The following ATP8A2 variants were observed in gnomAD, a reference collection of about 807,000 sequenced individuals.
The protein encoded by ATP8A2 is ATPase phospholipid transporting 8A2.
ATP8A2 carries 100 observed loss-of-function variants against 165.6 expected under a neutral mutation model. The observed-to-expected ratio is 0.60, with a 90% CI of 0.51 to 0.71. The LOEUF is 0.71. Among genes scored for constraint, ATP8A2 ranks in the 30% least tolerant of loss-of-function variants. The probability of loss-of-function intolerance (pLI) is 0.00; values close to 1 mark genes in which losing one functional copy is unlikely to be tolerated. For missense variants in ATP8A2, 1,227 were observed against 1,479.5 expected (o/e 0.83, Z 2.80); for synonymous variants, 543 against 548.8 (o/e 0.99, Z 0.15).
chr13:25,556,451 T>A (rs1344509692), intron 13 of ATP8A2, among the ~76,000 whole-genome samples: 2 of 152,202 alleles, frequency 1.3e-5, no homozygotes, highest in Non-Finnish European at 2.9e-5. Flanking sequence ...CTCATTTTTT[T>A]AATGGGGTTG....
At chr13:25,463,846 C>T (rs1029023743) in intron 1 of ATP8A2, among the ~76,000 whole-genome samples, 2 of 152,172 alleles carry the variant, frequency 1.3e-5, no homozygotes, top group African/African-American at 4.8e-5. Flanking sequence ...CCTTCCACCC[C>T]CTCATGCTTC....
At chr13:25,869,687 T>C (rs543587472) in intron 33 of ATP8A2, among the ~76,000 whole-genome samples, 2 of 152,186 alleles carry the variant, frequency 1.3e-5, no homozygotes, top group Non-Finnish European at 2.9e-5. Flanking sequence ...TGAGAAAAGT[T>C]CTCTTGTCCC....
At chr13:25,859,963 TTTGG>T (rs142429618) in intron 30 of ATP8A2, among the ~76,000 whole-genome samples, 1 of 151,824 alleles carries the variant, frequency 6.6e-6, no homozygotes. Flanking sequence ...AGATCAAGCG[TTTGG>T]TTGGTTGGTT....
In ATP8A2 at chr13:25,750,054, G is replaced by A. The variant is rs929725374; in HGVS notation, c.2385-18992G>A. Among the ~76,000 whole-genome samples, 3 of 152,160 alleles carry A rather than the reference G, an allele frequency of 2.0e-5. No individual in the cohort carries two copies. The highest frequency in any genetic ancestry group is 2.9e-5 in the Non-Finnish European group (2 of 68,030). ...GAAGAAGAATTATTTGCATGTATGT[G>A]AGCTCCTGTTTGTATACGAAACAAC... On this transcript the variant is annotated intron_variant, in intron 25 of 36. Coordinates refer to ENST00000381655, the MANE Select transcript of ATP8A2 (RefSeq NM_016529.6). The surrounding 1 kb of genome is among the most constrained non-coding windows in gnomAD (Gnocchi z 4.3).
At chr13:25,473,124 G>T (rs1057273212) in intron 2 of ATP8A2, among the ~76,000 whole-genome samples, 1 of 152,176 alleles carries the variant, frequency 6.6e-6, no homozygotes, top group Non-Finnish European at 1.5e-5. Flanking sequence ...ACCCCCAGGG[G>T]TATGCACTAC....
At chr13:25,702,942 G>C (rs1362311113) in intron 25 of ATP8A2, among the ~76,000 whole-genome samples, 1 of 152,022 alleles carries the variant, frequency 6.6e-6, no homozygotes, top group East Asian at 1.9e-4. Context: ...TTTACCTCTG[G>C]TCCTATCGTA....
chr13:25,706,370 T>TA (rs1327246860), intron 25 of ATP8A2, among the ~76,000 whole-genome samples: 2 of 152,192 alleles, frequency 1.3e-5, no homozygotes, highest in African/African-American at 2.4e-5. Context: ...TAGCCTGCAT[T>TA]AAAAAACCTG....
chr13:25,414,537 A>G (rs550363732), intron 1 of ATP8A2, among the ~76,000 whole-genome samples: 1 of 152,112 alleles, frequency 6.6e-6, no homozygotes, highest in African/African-American at 2.4e-5. Context: ...TAAACTATAT[A>G]AGTAAATGTA....
At chr13:25,454,020 A>G (rs2035296419) in intron 1 of ATP8A2, among the ~76,000 whole-genome samples, 1 of 152,188 alleles carries the variant, frequency 6.6e-6, no homozygotes, top group Admixed American at 6.5e-5. Flanking sequence ...GCAGCAAAGA[A>G]ATAGATGAGC....
chr13:25,523,049 C>A (rs2037720320), intron 2 of ATP8A2, among the ~76,000 whole-genome samples: 2 of 150,956 alleles, frequency 1.3e-5, no homozygotes, highest in South Asian at 4.2e-4. Flanking sequence ...ACCCAGGAGG[C>A]ACAGGTTGTG....
chr13:25,452,123 G>A (rs2035245404), intron 1 of ATP8A2, among the ~76,000 whole-genome samples: 2 of 152,172 alleles, frequency 1.3e-5, no homozygotes, highest in South Asian at 4.1e-4. Context: ...AAAGTGCTGG[G>A]ATTACAGGCG....
At chr13:25,975,192 G>T (rs1003087049) in intron 35 of ATP8A2, among the ~76,000 whole-genome samples, 4 of 152,104 alleles carry the variant, frequency 2.6e-5, no homozygotes, top group Admixed American at 6.5e-5. Flanking sequence ...AACAAATGCC[G>T]TCCACCTCAG....
At chr13:25,609,592 A>AAT (rs1210838785) in intron 24 of ATP8A2, among the ~76,000 whole-genome samples, 27 of 145,456 alleles carry the variant, frequency 1.9e-4, no homozygotes, top group African/African-American at 3.3e-4. Context: ...TTTGGGTTCA[A>AAT]ATATATATAT....
At chr13:25,817,683 T>C (rs1246368334) in intron 27 of ATP8A2, among the ~76,000 whole-genome samples, 1 of 151,482 alleles carries the variant, frequency 6.6e-6, no homozygotes, top group Non-Finnish European at 1.5e-5. Flanking sequence ...TTTTTTCTTT[T>C]TCTTTTTTTT....
chr13:25,802,679 G>A (rs1180488000), intron 27 of ATP8A2, among the ~76,000 whole-genome samples: 1 of 152,096 alleles, frequency 6.6e-6, no homozygotes, highest in Non-Finnish European at 1.5e-5. Flanking sequence ...TTTAGCAATA[G>A]ATAAGTCTGA....
intron 33 of ATP8A2, among the ~76,000 whole-genome samples, chr13:25,927,745 A>G (rs1025161854): frequency 1.3e-5 from 2 of 152,340 alleles, no homozygotes; most frequent in East Asian, 1.9e-4. Flanking sequence ...ATGTTCATCC[A>G]TCTCTGCTGT....
At chr13:25,817,672 C>G (rs1015490343) in intron 27 of ATP8A2, among the ~76,000 whole-genome samples, 1 of 151,414 alleles carries the variant, frequency 6.6e-6, no homozygotes, top group Non-Finnish European at 1.5e-5. Flanking sequence ...TCCTTTTATT[C>G]TTTTTTCTTT....
chr13:25,855,372 A>C (rs1293439237), intron 30 of ATP8A2, among the ~76,000 whole-genome samples: 1 of 152,146 alleles, frequency 6.6e-6, no homozygotes, highest in East Asian at 1.9e-4. Context: ...TAGAGATGGA[A>C]TATGTGGCCT....
At chr13:25,731,300 GA>G (rs201488866) in intron 25 of ATP8A2, among the ~76,000 whole-genome samples, 99 of 141,710 alleles carry the variant, frequency 7.0e-4, no homozygotes, top group South Asian at 2.2e-3. Context: ...GAGAGAGAAA[GA>G]AAGAAAAGAC....
Sources: allele counts gnomAD v4.1 joint callset (sites outside exome capture counted in the v4.1 genomes callset), GRCh38; gene constraint gnomAD v4.1.1; non-coding constraint Gnocchi (gnomAD v3.1); transcripts MANE v1.5; gene names NCBI Gene and HGNC (gene_info 2026-07-23, HGNC 2026-07-21).